The following PCED1B variants were observed in gnomAD, a reference collection of about 807,000 sequenced individuals.
PCED1B encodes PC-esterase domain containing 1B.
For missense variants in PCED1B, 573 were observed against 573.9 expected (o/e 1.00, Z 0.02); for synonymous variants, 251 against 246.1 (o/e 1.02, Z -0.19).
intron 2 of PCED1B, among the ~76,000 whole-genome samples, chr12:47,176,753 G>A (rs1004556784): frequency 6.6e-6 from 1 of 152,092 alleles, no homozygotes; most frequent in African/African-American, 2.4e-5. Flanking sequence ...CTTGCAATTG[G>A]CATCTGAAGT....
intron 2 of PCED1B, among the ~76,000 whole-genome samples, chr12:47,118,692 A>C (rs1040232595): frequency 4.0e-5 from 6 of 151,878 alleles, no homozygotes; most frequent in Admixed American, 1.3e-4. Flanking sequence ...TTGGTTCCAT[A>C]TGAACTTTAA....
intron 2 of PCED1B, among the ~76,000 whole-genome samples, chr12:47,213,232 T>C (rs752867052): frequency 1.3e-5 from 2 of 152,202 alleles, no homozygotes; most frequent in South Asian, 2.1e-4. Context: ...GTTCCTAATA[T>C]GTTATCAGAG....
rs1337890960 is a variant in PCED1B at position 47,235,572 on chromosome 12, A to G, written c.509A>G (p.Glu170Gly). 6.2e-7 allele frequency: 1 copy of G among 1,608,906 alleles called. No individual in the cohort carries two copies. The highest frequency in any genetic ancestry group is 8.5e-7 in the Non-Finnish European group (1 of 1,176,822). ...LVWNTAMPVG[E>G]EVTGGFLPPK... ...TGGAACACGGCCATGCCTGTGGGCG[A>G]GGAAGTCACCGGGGGTTTTCTTCCG... Residue 170 changes from glutamate to glycine, a missense_variant, in exon 4 of 4, where the codon GAG becomes GGG. Coordinates refer to ENST00000546455, the MANE Select transcript of PCED1B (RefSeq NM_138371.3).
At chr12:47,198,314 G>A (rs10736032) in intron 2 of PCED1B, among the ~76,000 whole-genome samples, 82,052 of 151,942 alleles carry the variant, frequency 0.54, 22,599 homozygotes, top group East Asian at 0.69. Context: ...ATATTAACAG[G>A]CGCAGAAAAG....
At chr12:47,201,545 T>C (rs984720043) in intron 2 of PCED1B, among the ~76,000 whole-genome samples, 1 of 152,080 alleles carries the variant, frequency 6.6e-6, no homozygotes, top group African/African-American at 2.4e-5. Flanking sequence ...GGTTGGGCGT[T>C]ACAATACTGC....
At chr12:47,114,501 C>T (rs956743458) in intron 2 of PCED1B, among the ~76,000 whole-genome samples, 12 of 152,208 alleles carry the variant, frequency 7.9e-5, no homozygotes, top group African/African-American at 2.9e-4. Flanking sequence ...AGACAGAGAA[C>T]GTTACCCCTG....
At chr12:47,189,367 G>A (rs1165960650) in intron 2 of PCED1B, among the ~76,000 whole-genome samples, 1 of 152,190 alleles carries the variant, frequency 6.6e-6, no homozygotes, top group Admixed American at 6.5e-5. Flanking sequence ...TCAAAATCCA[G>A]TCTATTGTGC....
chr12:47,185,710 A>G (rs1217057979), intron 2 of PCED1B, among the ~76,000 whole-genome samples: 3 of 151,748 alleles, frequency 2.0e-5, no homozygotes, highest in African/African-American at 7.3e-5. Context: ...AACTGCTTGA[A>G]CCTGGGAGGT....
intron 2 of PCED1B, among the ~76,000 whole-genome samples, chr12:47,154,391 A>T: frequency 6.6e-6 from 1 of 152,006 alleles, no homozygotes; most frequent in East Asian, 1.9e-4. Flanking sequence ...TTTGTTTTTA[A>T]CCATTTCTTC....
At chr12:47,097,431 C>T (rs1365243266) in intron 1 of PCED1B, among the ~76,000 whole-genome samples, 2 of 152,150 alleles carry the variant, frequency 1.3e-5, no homozygotes, top group South Asian at 2.1e-4. Context: ...ATTAAAGCCA[C>T]GCCTAAGGGA....
chr12:47,151,544 G>A (rs1283505824), intron 2 of PCED1B, among the ~76,000 whole-genome samples: 2 of 152,182 alleles, frequency 1.3e-5, no homozygotes, highest in East Asian at 1.9e-4. Flanking sequence ...ATTATAACGA[G>A]TTAGCTCATG....
intron 1 of PCED1B, among the ~76,000 whole-genome samples, chr12:47,095,261 G>A (rs1220076027): frequency 6.6e-6 from 1 of 151,964 alleles, no homozygotes; most frequent in Non-Finnish European, 1.5e-5. Flanking sequence ...TCTTAAAGTT[G>A]ACAATATTGT....
At chr12:47,117,257 TTACATATGTA>T (rs1335053613) in intron 2 of PCED1B, among the ~76,000 whole-genome samples, 18 of 152,324 alleles carry the variant, frequency 1.2e-4, no homozygotes, top group Admixed American at 9.8e-4. Flanking sequence ...TGCAGGTTTG[TTACATATGTA>T]TACATGTGCC....
chr12:47,135,871 G>A (rs1362778435), intron 2 of PCED1B: 1 of 432,294 alleles, frequency 2.3e-6, no homozygotes, highest in Non-Finnish European at 4.6e-6. Flanking sequence ...GTGTTGGCAG[G>A]AGTGAAGAGG....
At chr12:47,201,649 A>C (rs1250579492) in intron 2 of PCED1B, among the ~76,000 whole-genome samples, 1 of 151,690 alleles carries the variant, frequency 6.6e-6, no homozygotes, top group Non-Finnish European at 1.5e-5. Flanking sequence ...TTCAGGCTGG[A>C]ATGCAATGGT....
chr12:47,172,340 C>CTTTTTTTTTTT (rs34230051), intron 2 of PCED1B, among the ~76,000 whole-genome samples: 8 of 78,336 alleles, frequency 1.0e-4, no homozygotes, highest in East Asian at 4.1e-4. Flanking sequence ...TCGTGGGTTG[C>CTTTTTTTTTTT]TTTTTTTTTT....
In PCED1B at chr12:47,165,151, T is replaced by C. The variant is rs11183763; in HGVS notation, c.-525-51071T>C. Reference sequence around the variant, plus strand: ...TATTTTGCTCAATTTTCTACTGTCATCTTCTAAGTCCAAACTGTGGTTTGT... The same window carrying C: ...TATTTTGCTCAATTTTCTACTGTCACCTTCTAAGTCCAAACTGTGGTTTGT... On this transcript the variant is annotated intron_variant, in intron 2 of 3. Transcript: ENST00000546455. 5.4e-3 allele frequency among the ~76,000 whole-genome samples: 826 copies of C among 152,312 alleles called. 10 individuals are homozygous for C. Among genetic ancestry groups the C allele is most frequent in the African/African-American group, 0.018 (759 of 41,560 alleles).
chr12:47,110,732 C>G (rs767570347), intron 2 of PCED1B, among the ~76,000 whole-genome samples: 3 of 152,202 alleles, frequency 2.0e-5, no homozygotes, highest in African/African-American at 4.8e-5. Context: ...CCCTGAGAAG[C>G]TGCTTTGATC....
At chr12:47,232,942 T>A (rs1326428106) in intron 3 of PCED1B, among the ~76,000 whole-genome samples, 2 of 139,312 alleles carry the variant, frequency 1.4e-5, no homozygotes, top group African/African-American at 2.5e-5. Flanking sequence ...TATTTATTTA[T>A]TTAATTTATT....
Sources: gnomAD v4.1 joint callset for allele counts (sites outside exome capture counted in the v4.1 genomes callset) on GRCh38, gnomAD v4.1.1 for gene constraint, MANE v1.5 for transcripts, NCBI Gene and HGNC (gene_info 2026-07-23, HGNC 2026-07-21) for gene names.